ZNF362: variants seen among roughly 807,000 people sequenced by gnomAD.
The protein encoded by ZNF362 is rotund homolog.
In ZNF362, 11 loss-of-function variants were observed where a neutral mutation model predicts 42.9. The ratio of observed to expected loss-of-function variants is 0.26; its 90% CI spans 0.16 to 0.42. ZNF362 has a LOEUF of 0.42. ZNF362 is among the 20% of genes least tolerant of loss of function. The probability of loss-of-function intolerance (pLI) is 1.00; values close to 1 mark genes in which losing one functional copy is unlikely to be tolerated. For synonymous variants in ZNF362, 255 were observed against 257.3 expected (o/e 0.99, Z 0.09); for missense variants, 362 against 576.2 (o/e 0.63, Z 3.81).
the ZNF362 span, among the ~76,000 whole-genome samples, chr1:33,235,194 C>T: frequency 2.6e-5 from 4 of 152,034 alleles, no homozygotes; most frequent in Non-Finnish European, 4.4e-5. Flanking sequence ...CCATGTTCCT[C>T]GTCATCCAGC....
chr1:33,156,273 G>A, the ZNF362 span, among the ~76,000 whole-genome samples: 11 of 152,064 alleles, frequency 7.2e-5, no homozygotes, highest in Non-Finnish European at 1.6e-4. Context: ...TCTCTCCTTC[G>A]CTTGAAAACT....
the ZNF362 span, chr1:33,160,023 C>G: frequency 1.3e-6 from 2 of 1,547,522 alleles, no homozygotes; most frequent in Non-Finnish European, 1.7e-6. Flanking sequence ...AAATCGAGAG[C>G]CTTGACACAC....
At chr1:33,187,629 C>T in the ZNF362 span, among the ~76,000 whole-genome samples, 20 of 152,262 alleles carry the variant, frequency 1.3e-4, no homozygotes, top group South Asian at 3.9e-3. Context: ...CCTGCCTGTT[C>T]AGAATCTCCT....
chr1:33,248,948 C>A, the ZNF362 span, among the ~76,000 whole-genome samples: 2 of 152,174 alleles, frequency 1.3e-5, no homozygotes, highest in African/African-American at 4.8e-5. Flanking sequence ...ATTTGCTGAG[C>A]CCCCTCACCT....
chr1:33,178,810 A>C, the ZNF362 span, among the ~76,000 whole-genome samples: 1 of 152,228 alleles, frequency 6.6e-6, no homozygotes, highest in Non-Finnish European at 1.5e-5. Flanking sequence ...CCAATAATGA[A>C]GCATTTCAAT....
At chr1:33,194,136 C>T in the ZNF362 span, among the ~76,000 whole-genome samples, 7 of 152,130 alleles carry the variant, frequency 4.6e-5, no homozygotes, top group Non-Finnish European at 1.0e-4. Flanking sequence ...GTAGATTAGA[C>T]ACAGATGGAG....
chr1:33,200,665 T>G, the ZNF362 span, among the ~76,000 whole-genome samples: 1 of 152,142 alleles, frequency 6.6e-6, no homozygotes, highest in South Asian at 2.1e-4. Context: ...AAGGTTATTA[T>G]TAGAGATAAA....
the ZNF362 span, among the ~76,000 whole-genome samples, chr1:33,218,978 C>CACACACACAT: frequency 0.031 from 4,217 of 134,278 alleles, 144 homozygotes; most frequent in East Asian, 0.061. Flanking sequence ...CACACACACA[C>CACACACACAT]ACATACACCA....
chr1:33,236,550 A>AAAAAAAATATATATAT, the ZNF362 span, among the ~76,000 whole-genome samples: 11 of 5,978 alleles, frequency 1.8e-3, 1 homozygote, highest in Non-Finnish European at 2.9e-3. Flanking sequence ...AAAAAAAAAA[A>AAAAAAAATATATATAT]ATATATATAT....
the ZNF362 span, among the ~76,000 whole-genome samples, chr1:33,240,327 A>C: frequency 6.6e-6 from 1 of 152,216 alleles, no homozygotes; most frequent in Non-Finnish European, 1.5e-5. Flanking sequence ...AAGAATTTAA[A>C]AGTAGTAAAA....
intron 2 of ZNF362, among the ~76,000 whole-genome samples, chr1:33,271,100 T>G (rs955399726): frequency 6.6e-6 from 1 of 152,158 alleles, no homozygotes; most frequent in Non-Finnish European, 1.5e-5. Context: ...CCCTCTACAT[T>G]GGGCACTCAG....
the ZNF362 span, among the ~76,000 whole-genome samples, chr1:33,198,110 T>C: frequency 1.3e-5 from 2 of 152,160 alleles, no homozygotes; most frequent in African/African-American, 4.8e-5. Context: ...TATAGGCATA[T>C]AAAAATTATC....
chr1:33,295,091 G>A, intron 7 of ZNF362, 56 bp from the exon 8 acceptor site: 1 of 1,585,716 alleles, frequency 6.3e-7, no homozygotes, highest in Non-Finnish European at 8.6e-7. Context: ...AGCGTAGGAA[G>A]GGGGTGGGGT....
upstream of ZNF362, among the ~76,000 whole-genome samples, chr1:33,253,925 A>AGAAAAATT (rs1645772701): frequency 6.6e-6 from 1 of 152,224 alleles, no homozygotes; most frequent in African/African-American, 2.4e-5. Flanking sequence ...TTAGATTTAT[A>AGAAAAATT]GAAAAATTGA....
chr1:33,250,728 C>A, the ZNF362 span, among the ~76,000 whole-genome samples: 1 of 148,478 alleles, frequency 6.7e-6, no homozygotes, highest in South Asian at 2.1e-4. Flanking sequence ...TGCACATGTA[C>A]CCTGGAACTG....
chr1:33,182,600 TTGTGTGTGTGTGTGTGTGTGTG>T, the ZNF362 span, among the ~76,000 whole-genome samples: 1 of 146,978 alleles, frequency 6.8e-6, no homozygotes. Flanking sequence ...AGTGCTGTAT[TTGTGTGTGTGTGTGTGTGTGTG>T]TGTGTGTGTG....
chr1:33,214,838 A>C, the ZNF362 span, among the ~76,000 whole-genome samples: 1 of 152,224 alleles, frequency 6.6e-6, no homozygotes, highest in Non-Finnish European at 1.5e-5. Context: ...CTCAAAAGAC[A>C]GGCAATAACA....
the ZNF362 span, among the ~76,000 whole-genome samples, chr1:33,208,973 G>A: frequency 6.6e-6 from 1 of 152,140 alleles, no homozygotes; most frequent in Non-Finnish European, 1.5e-5. Context: ...AATAGGAGTG[G>A]TGAGAGAGGG....
chr1:33,155,502 C>T, the ZNF362 span, among the ~76,000 whole-genome samples: 1 of 152,110 alleles, frequency 6.6e-6, no homozygotes, highest in Non-Finnish European at 1.5e-5. Context: ...GAGCCTTGGT[C>T]TCCCCAGCCT....
Sources: allele counts gnomAD v4.1 joint callset (sites outside exome capture counted in the v4.1 genomes callset), GRCh38; gene constraint gnomAD v4.1.1; transcripts MANE v1.5; gene names NCBI Gene and HGNC (gene_info 2026-07-23, HGNC 2026-07-21).